The following CSMD1 variants were observed in gnomAD, a reference collection of about 807,000 sequenced individuals.
CSMD1 encodes the protein CUB and sushi domain-containing protein 1.
In CSMD1, 213 loss-of-function variants were observed where a neutral mutation model predicts 417.5. That is an observed-to-expected ratio of 0.51 (90% confidence interval 0.46 to 0.57). CSMD1 has a LOEUF of 0.57. Among genes scored for constraint, CSMD1 ranks in the 20% least tolerant of loss-of-function variants. The probability of loss-of-function intolerance (pLI) is 0.00; values close to 1 mark genes in which losing one functional copy is unlikely to be tolerated. For synonymous variants in CSMD1, 2,862 were observed against 1,736.8 expected (o/e 1.65, Z -16.11); for missense variants, 6,923 against 4,529.7 (o/e 1.53, Z -15.17).
chr8:3,458,585 C>T (rs1462742547), intron 12 of CSMD1, among the ~76,000 whole-genome samples: 1 of 152,166 alleles, frequency 6.6e-6, no homozygotes, highest in Non-Finnish European at 1.5e-5. Flanking sequence ...CAGTAAAATC[C>T]TATGTTCATC....
At chr8:4,541,499 A>C (rs755778345) in intron 2 of CSMD1, among the ~76,000 whole-genome samples, 1 of 152,006 alleles carries the variant, frequency 6.6e-6, no homozygotes, top group Non-Finnish European at 1.5e-5. Context: ...TGTAATCCCC[A>C]CACTTTGGGA....
At chr8:4,685,525 G>C (rs911225363) in intron 1 of CSMD1, among the ~76,000 whole-genome samples, 1 of 151,920 alleles carries the variant, frequency 6.6e-6, no homozygotes, top group Admixed American at 6.6e-5. Context: ...GCAGTGAGTC[G>C]AGATCACACC....
At chr8:4,071,160 G>A (rs1401526465) in intron 3 of CSMD1, among the ~76,000 whole-genome samples, 1 of 151,662 alleles carries the variant, frequency 6.6e-6, no homozygotes, top group East Asian at 1.9e-4. Context: ...TCATCCATTA[G>A]TACATTAAAG....
intron 4 of CSMD1, among the ~76,000 whole-genome samples, chr8:4,002,800 T>C (rs539879604): frequency 6.6e-6 from 1 of 152,272 alleles, no homozygotes; most frequent in African/African-American, 2.4e-5. Flanking sequence ...AGTTTTAAAA[T>C]ATCAACTTAA....
intron 3 of CSMD1, among the ~76,000 whole-genome samples, chr8:4,091,702 T>C (rs372362366): frequency 2.0e-5 from 3 of 152,220 alleles, no homozygotes; most frequent in Non-Finnish European, 2.9e-5. Flanking sequence ...TTAGGAAAGC[T>C]GATAAAGGCA....
intron 3 of CSMD1, among the ~76,000 whole-genome samples, chr8:4,205,083 A>T (rs888644329): frequency 6.6e-6 from 1 of 152,242 alleles, no homozygotes; most frequent in Non-Finnish European, 1.5e-5. Context: ...TACTGTAAAC[A>T]TCAAATGCTT....
chr8:4,646,288 T>C (rs1457322156), intron 1 of CSMD1, among the ~76,000 whole-genome samples: 1 of 152,212 alleles, frequency 6.6e-6, no homozygotes, highest in Non-Finnish European at 1.5e-5. Context: ...ATTTATCTCT[T>C]AATGAAATTC....
intron 1 of CSMD1, among the ~76,000 whole-genome samples, chr8:4,835,043 T>C (rs1473173387): frequency 7.4e-6 from 1 of 134,662 alleles, no homozygotes; most frequent in Non-Finnish European, 1.6e-5. Context: ...GAACAAATGA[T>C]GACATTTCTC....
chr8:4,200,933 T>A (rs1188686960), intron 3 of CSMD1, among the ~76,000 whole-genome samples: 1 of 152,192 alleles, frequency 6.6e-6, no homozygotes, highest in Non-Finnish European at 1.5e-5. Flanking sequence ...ATTCATGTCT[T>A]TTCTAATCTC....
intron 1 of CSMD1, among the ~76,000 whole-genome samples, chr8:4,897,521 G>A (rs562460005): frequency 6.6e-6 from 1 of 151,904 alleles, no homozygotes. Context: ...TATCCTATTC[G>A]GTGACAAAAT....
intron 3 of CSMD1, among the ~76,000 whole-genome samples, chr8:4,085,458 T>C (rs566906090): frequency 3.3e-5 from 5 of 152,324 alleles, no homozygotes; most frequent in East Asian, 3.9e-4. Context: ...ATTGCTCAGA[T>C]CATGTTTGCT....
At chr8:4,964,732 A>C (rs1434147075) in intron 1 of CSMD1, among the ~76,000 whole-genome samples, 1 of 152,144 alleles carries the variant, frequency 6.6e-6, no homozygotes, top group Non-Finnish European at 1.5e-5. Context: ...ACTGAAAAAA[A>C]ATGAAAACTT....
At chr8:4,988,692 C>G (rs1811307299) in intron 1 of CSMD1, among the ~76,000 whole-genome samples, 1 of 152,222 alleles carries the variant, frequency 6.6e-6, no homozygotes, top group Admixed American at 6.5e-5. Flanking sequence ...CATTCTGCAA[C>G]TTCCCTAAAG....
At chr8:4,409,473 T>TA (rs1796525270) in intron 3 of CSMD1, among the ~76,000 whole-genome samples, 1 of 152,170 alleles carries the variant, frequency 6.6e-6, no homozygotes, top group African/African-American at 2.4e-5. Context: ...AATGCCTATC[T>TA]ACCTAAGTTG....
At chr8:4,533,484 T>C (rs1796943987) in intron 2 of CSMD1, among the ~76,000 whole-genome samples, 3 of 152,210 alleles carry the variant, frequency 2.0e-5, no homozygotes, top group African/African-American at 7.2e-5. Context: ...TATTATGCTC[T>C]TGGAGTTTAT....
chr8:4,034,200 A>T (rs902034311), intron 3 of CSMD1, among the ~76,000 whole-genome samples: 2 of 152,130 alleles, frequency 1.3e-5, no homozygotes, highest in East Asian at 1.9e-4. Context: ...CTATTTCTAA[A>T]AGTATTTTTA....
At chr8:3,238,509 T>G (rs1799295132) in intron 26 of CSMD1, among the ~76,000 whole-genome samples, 1 of 152,092 alleles carries the variant, frequency 6.6e-6, no homozygotes, top group Non-Finnish European at 1.5e-5. Context: ...TGGGCGATGT[T>G]TCTCAGGGCT....
intron 2 of CSMD1, among the ~76,000 whole-genome samples, chr8:4,571,283 C>T (rs1336973486): frequency 6.6e-6 from 1 of 152,168 alleles, no homozygotes; most frequent in Non-Finnish European, 1.5e-5. Flanking sequence ...GAATTTAGCA[C>T]TATGATTTTC....
At chr8:3,534,713 G>A (rs943414414) in intron 10 of CSMD1, among the ~76,000 whole-genome samples, 8 of 152,128 alleles carry the variant, frequency 5.3e-5, no homozygotes, top group African/African-American at 9.7e-5. Flanking sequence ...TAGTCCCAGA[G>A]CCTTTAAGCA....
Sources: gnomAD v4.1 joint callset for allele counts (sites outside exome capture counted in the v4.1 genomes callset) on GRCh38, gnomAD v4.1.1 for gene constraint, MANE v1.5 for transcripts, NCBI Gene and HGNC (gene_info 2026-07-23, HGNC 2026-07-21) for gene names.